GRAMD1C: variants seen among roughly 807,000 people sequenced by gnomAD.
GRAMD1C encodes protein Aster-C.
A neutral mutation model predicts 97.8 loss-of-function variants in GRAMD1C; 89 were observed. The observed-to-expected ratio is 0.91, with a 90% CI of 0.77 to 1.09. GRAMD1C has a LOEUF of 1.09. GRAMD1C is among the 50% of genes least tolerant of loss of function. The probability of loss-of-function intolerance (pLI) is 0.00; values close to 1 mark genes in which losing one functional copy is unlikely to be tolerated. For synonymous variants in GRAMD1C, 256 were observed against 267.0 expected (o/e 0.96, Z 0.40); for missense variants, 740 against 766.4 (o/e 0.97, Z 0.41).
At chr3:113,911,195 C>CGA (rs149664231) in intron 9 of GRAMD1C, among the ~76,000 whole-genome samples, 49 of 149,904 alleles carry the variant, frequency 3.3e-4, no homozygotes, top group Middle Eastern at 3.6e-3. Context: ...CACACGCACA[C>CGA]GAGAGAGAGA....
At chr3:113,857,561 A>G (rs1400088860) in intron 2 of GRAMD1C, among the ~76,000 whole-genome samples, 1 of 151,960 alleles carries the variant, frequency 6.6e-6, no homozygotes, top group Non-Finnish European at 1.5e-5. Context: ...TATTTTTAGT[A>G]GGGACGGGGT....
chr3:113,854,184 A>G (rs980501932), intron 2 of GRAMD1C, among the ~76,000 whole-genome samples: 1 of 151,962 alleles, frequency 6.6e-6, no homozygotes, highest in Admixed American at 6.6e-5. Flanking sequence ...TGTTTGATAT[A>G]TGGATAGAAA....
rs1167573579 is a variant in GRAMD1C, at chr3:113,936,282, T to C, written c.1473T>C (p.Ile491=). 7 of 1,579,186 alleles carry C rather than the reference T, an allele frequency of 4.4e-6. No homozygotes were observed. The highest frequency in any genetic ancestry group is 6.0e-6 in the Non-Finnish European group (7 of 1,160,980). ...YFKQLESDLL[I]EESVLNQAIE... ...TTTTCTTAGAATCAGATTTGTTAAT[T>C]GAAGAATCTGTATTAAATCAGGCCA... The change falls in exon 14 of 18, where the codon ATT becomes ATC. Residue 491 remains isoleucine (I), a synonymous_variant. Transcript: ENST00000358160.
chr3:113,869,608 C>A lies in GRAMD1C; in HGVS notation c.259+17C>A, dbSNP rs1460558981. 4 of 1,216,954 alleles carry A rather than the reference C, an allele frequency of 3.3e-6. No homozygotes were observed. Among genetic ancestry groups the A allele is most frequent in the Admixed American group, 4.6e-5 (2 of 43,078 alleles). The allele number at this position is 1,216,954 out of a possible 1,614,324, so 75.4% of individuals were successfully genotyped here. A position where few individuals can be genotyped will look rare whatever the true frequency, so the allele number is the denominator to read the frequency against. ...TGATAGCAGGTAAAATAGAAATTTT[C>A]AAAAAAAAGTTTTATTACCTCATTA... On this transcript the variant is annotated intron_variant, in intron 3 of 17. Coordinates refer to ENST00000358160, the MANE Select transcript of GRAMD1C (RefSeq NM_017577.5).
intron 7 of GRAMD1C, 151 bp from the exon 8 acceptor site, chr3:113,903,989 C>A: frequency 2.0e-6 from 1 of 505,374 alleles, no homozygotes; most frequent in South Asian, 4.3e-5. Context: ...AAGAAGATAG[C>A]CTTGTTATAA....
intron 14 of GRAMD1C, 55 bp downstream of exon 14, chr3:113,936,497 C>A (rs1019998863): frequency 1.8e-6 from 2 of 1,094,928 alleles, no homozygotes; most frequent in Non-Finnish European, 2.7e-6. Flanking sequence ...TTATATGAAG[C>A]AGAATGTGCC....
At chr3:113,874,267 C>T (rs1384441426) in intron 3 of GRAMD1C, among the ~76,000 whole-genome samples, 1 of 152,198 alleles carries the variant, frequency 6.6e-6, no homozygotes, top group Admixed American at 6.5e-5. Flanking sequence ...ACATTCTCCA[C>T]AGAGCCAGAT....
In GRAMD1C at chr3:113,909,118, A is replaced by G; in HGVS notation, c.950A>G (p.Glu317Gly). ...AGCAGCACTTCAGATTCTGTTGATG[A>G]AGGTAAATAATTTCTTATAAATTTT... ...DKSSTSDSVD[E>G]ENVPEKDLHG... The change falls in exon 9 of 18, where the codon GAA becomes GGA. Residue 317 changes from glutamate (E) to glycine (G), a missense_variant and splice_region_variant. By Grantham distance (98) the Glu-to-Gly change is moderately conservative. Coordinates refer to ENST00000358160, the MANE Select transcript of GRAMD1C (RefSeq NM_017577.5). 3.5e-6 allele frequency: 5 copies of G among 1,444,928 alleles called. No homozygotes were observed. Among genetic ancestry groups the G allele is most frequent in the Non-Finnish European group, 3.7e-6 (4 of 1,073,050 alleles). 89.5% of individuals were successfully genotyped at this position (1,444,928 alleles called of 1,614,324 possible). A position where few individuals can be genotyped will look rare whatever the true frequency, so the allele number is the denominator to read the frequency against.
intron 6 of GRAMD1C, among the ~76,000 whole-genome samples, chr3:113,887,086 T>TG (rs1559795600): frequency 8.1e-5 from 5 of 61,378 alleles, no homozygotes; most frequent in Admixed American, 3.7e-4. Flanking sequence ...GGCCTTTTTG[T>TG]TTTTTTTTTG....
rs192452816 is a variant in GRAMD1C, at chr3:113,880,039, T to A, written c.460-2713T>A. On this transcript the variant is annotated intron_variant, in intron 5 of 17. Coordinates refer to ENST00000358160, the MANE Select transcript of GRAMD1C (RefSeq NM_017577.5). ...GTTTTGACACTCTGCTTTAGGCTAC[T>A]TTTTTAGCCTCTCTTGCCTCCCACA... Among the ~76,000 whole-genome samples the A allele has an allele frequency of 2.6e-5, 4 of 152,212 alleles. No individual in the cohort carries two copies. The East Asian group carries it at 7.7e-4, about 29-fold the overall frequency.
chr3:113,864,642 A>G (rs768901477), intron 2 of GRAMD1C, among the ~76,000 whole-genome samples: 11 of 152,162 alleles, frequency 7.2e-5, no homozygotes, highest in Admixed American at 2.6e-4. Context: ...CCAGTTCCCA[A>G]TAAGATATTC....
intron 17 of GRAMD1C, among the ~76,000 whole-genome samples, chr3:113,943,255 CAGAGCTAAACACTTCT>C (rs1376373549): frequency 6.6e-6 from 1 of 152,210 alleles, no homozygotes; most frequent in Non-Finnish European, 1.5e-5. Flanking sequence ...CAGCATTTGA[CAGAGCTAAACACTTCT>C]TTCTTGAAAT....
intron 3 of GRAMD1C, among the ~76,000 whole-genome samples, chr3:113,873,426 G>C (rs528045005): frequency 2.0e-5 from 3 of 152,308 alleles, no homozygotes; most frequent in African/African-American, 7.2e-5. Flanking sequence ...TAGCAACACT[G>C]TCAGTACCTG....
chr3:113,867,306 T>C lies in GRAMD1C; in HGVS notation c.175-2201T>C, dbSNP rs117283250. On this transcript the variant is annotated intron_variant, in intron 2 of 17. Transcript: ENST00000358160. Reference sequence around the variant, plus strand: ...CTTTATTTTTAATTTTAATTTTAATTTTTTTGGAGACAGAGTCTCACTGTC... The same window carrying C: ...CTTTATTTTTAATTTTAATTTTAATCTTTTTGGAGACAGAGTCTCACTGTC... Among the ~76,000 whole-genome samples, 91 of 152,220 alleles carry C rather than the reference T, an allele frequency of 6.0e-4. No homozygotes were observed. The East Asian group carries it at 0.016, about 27-fold the overall frequency.
chr3:113,931,363 T>A (rs1457338626), intron 11 of GRAMD1C, among the ~76,000 whole-genome samples: 34 of 89,178 alleles, frequency 3.8e-4, no homozygotes, highest in East Asian at 3.2e-3. Flanking sequence ...TATATTCAAA[T>A]TTTTTTTTTT....
chr3:113,937,988 A>C (rs951569116), intron 14 of GRAMD1C, 98 bp from the exon 15 acceptor site: 2 of 610,426 alleles, frequency 3.3e-6, no homozygotes, highest in African/African-American at 4.1e-5. Context: ...CTGGGCAACA[A>C]GAGCGAAACT....
chr3:113,860,915 G>A (rs535239497), intron 2 of GRAMD1C, among the ~76,000 whole-genome samples: 12 of 150,842 alleles, frequency 8.0e-5, no homozygotes, highest in Admixed American at 2.6e-4. Flanking sequence ...GCAGTGAGCC[G>A]AGATCATGCC....
At chr3:113,892,007 A>G (rs1302287276) in intron 6 of GRAMD1C, among the ~76,000 whole-genome samples, 2 of 152,060 alleles carry the variant, frequency 1.3e-5, no homozygotes, top group Non-Finnish European at 2.9e-5. Context: ...AAATTAATCT[A>G]GAAAGTAGAT....
chr3:113,907,954 T>C (rs573682669), intron 8 of GRAMD1C, among the ~76,000 whole-genome samples: 2 of 152,276 alleles, frequency 1.3e-5, no homozygotes, highest in Non-Finnish European at 2.9e-5. Context: ...ATAAATCAAG[T>C]TTTGATTTTA....
Sources: gnomAD v4.1 joint callset for allele counts (sites outside exome capture counted in the v4.1 genomes callset) on GRCh38, gnomAD v4.1.1 for gene constraint, MANE v1.5 for transcripts, NCBI Gene and HGNC (gene_info 2026-07-23, HGNC 2026-07-21) for gene names.